Variants in OIT3 observed in about 807,000 individuals in gnomAD.
The protein encoded by OIT3 is oncoprotein induced transcript 3, also known as oncoprotein-induced transcript 3 protein.
Under a neutral mutation model 52.2 loss-of-function variants are expected in OIT3, and 41 were observed. That is an observed-to-expected ratio of 0.79 (90% CI 0.61 to 1.02). OIT3 has a LOEUF of 1.02. OIT3 is among the 50% of genes least tolerant of loss of function. The pLI, the probability that OIT3 is intolerant of heterozygous loss-of-function variation, is 0.00. For synonymous variants in OIT3, 244 were observed against 276.9 expected, an observed-to-expected ratio of 0.88 and a Z score of 1.18; for missense variants, 634 against 715.5, an observed-to-expected ratio of 0.89 and a Z score of 1.30.
At position 72,932,796 on chromosome 10, in the gene OIT3, C is replaced by A; in HGVS notation, c.*272C>A. The A allele has an allele frequency of 2.8e-6, 1 of 354,184 alleles. No homozygotes were observed. The highest frequency in any genetic ancestry group is 4.7e-5 in the East Asian group (1 of 21,502). The allele number at this position is 354,184 out of a possible 1,614,324, so 21.9% of individuals were successfully genotyped here. On this transcript the variant is annotated 3_prime_UTR_variant, in exon 9 of 9. Coordinates refer to ENST00000334011, the MANE Select transcript of OIT3 (RefSeq NM_152635.3). The stretch of plus-strand genomic sequence containing the variant: ...GACACTCACCCCATTTCCCTCATTT[C>A]TTTCCTACACTTAAATACCTCGTGT...
chr10:72,910,296 A>C (rs994428739), intron 4 of OIT3, among the ~76,000 whole-genome samples: 1 of 152,162 alleles, frequency 6.6e-6, no homozygotes, highest in African/African-American at 2.4e-5. Flanking sequence ...TTTCTTCTAT[A>C]GTATTATATA....
Position 72,918,629 on chromosome 10 carries a change from G to A in OIT3, c.951+5161G>A, listed in dbSNP as rs1283219866. Reference sequence around the variant, plus strand: ...GCCGCACAGGACAGAATCACACCAGGGTACACTTAAGTTTTTAACCCATCT... The same window carrying A: ...GCCGCACAGGACAGAATCACACCAGAGTACACTTAAGTTTTTAACCCATCT... On this transcript the variant is annotated intron_variant, in intron 6 of 8. Transcript: ENST00000334011. The A allele has an allele frequency of 4.4e-6, 3 of 678,280 alleles. No individual in the cohort carries two copies. In the East Asian group the frequency reaches 7.8e-5, roughly 18 times the overall value. The allele number at this position is 678,280 out of a possible 1,614,324, so 42.0% of individuals were successfully genotyped here.
chr10:72,908,118 C>A (rs1020489770), intron 4 of OIT3, among the ~76,000 whole-genome samples: 3 of 152,084 alleles, frequency 2.0e-5, no homozygotes, highest in Non-Finnish European at 4.4e-5. Context: ...TGGCGGGCGC[C>A]TGTAATCCCA....
intron 3 of OIT3, among the ~76,000 whole-genome samples, chr10:72,900,785 TG>T (rs1362501119): frequency 6.6e-6 from 1 of 152,156 alleles, no homozygotes; most frequent in African/African-American, 2.4e-5. Context: ...AAGTGATGTT[TG>T]GCTACACACG....
chr10:72,901,190 T>C (rs978198936), intron 3 of OIT3, among the ~76,000 whole-genome samples: 1 of 152,200 alleles, frequency 6.6e-6, no homozygotes, highest in Non-Finnish European at 1.5e-5. Context: ...TAAAAAATTT[T>C]AATATGACTA....
rs762835427 is a variant in OIT3, at chr10:72,911,482, A to G, written c.668-235A>G. Reference sequence around the variant, plus strand: ...ATCAGACAAACCCAACCTGAAGGACATGCTACAAAATTCCTCACCAGCTTA... The same window carrying G: ...ATCAGACAAACCCAACCTGAAGGACGTGCTACAAAATTCCTCACCAGCTTA... On this transcript the variant is annotated intron_variant, in intron 4 of 8. Transcript: ENST00000334011. Among the ~76,000 whole-genome samples, 3 of 152,258 alleles carry G rather than the reference A, an allele frequency of 2.0e-5. No homozygotes were observed. The East Asian group carries it at 5.8e-4, about 29-fold the overall frequency.
Sources: allele counts gnomAD v4.1 joint callset (sites outside exome capture counted in the v4.1 genomes callset), GRCh38; gene constraint gnomAD v4.1.1; transcripts MANE v1.5; gene names NCBI Gene and HGNC (gene_info 2026-07-23, HGNC 2026-07-21).